The following MAST3 variants were observed in gnomAD, a reference collection of about 807,000 sequenced individuals.
The protein encoded by MAST3 is microtubule-associated serine/threonine-protein kinase 3.
A neutral mutation model predicts 127.0 loss-of-function variants in MAST3; 43 were observed. The ratio of observed to expected loss-of-function variants is 0.34; its 90% CI spans 0.27 to 0.44. MAST3 has a LOEUF of 0.44. MAST3 is among the 20% of genes least tolerant of loss of function. MAST3 has a pLI of 1.00. For missense variants in MAST3, 1,390 were observed against 1,919.1 expected (o/e 0.72, Z 5.15); for synonymous variants, 785 against 809.2 (o/e 0.97, Z 0.51).
At chr19:18,118,103 ATCC>A in intron 3 of MAST3, 1 of 985,084 alleles carries the variant, frequency 1.0e-6, no homozygotes, top group Non-Finnish European at 1.2e-6. Flanking sequence ...CCTGGGGCCG[ATCC>A]CACCGCCGAG....
rs572475592 is a variant in MAST3 at position 18,141,841 on chromosome 19, C to T, written c.2206-41C>T. On this transcript the variant is annotated intron_variant, in intron 20 of 27. Transcript: ENST00000687212. ...AAAGTGCTGGGATTACAGGCATGAGCCACCGCACCCGGCTTACCATTCTTT... is the reference window on the plus strand; with the variant it reads ...AAAGTGCTGGGATTACAGGCATGAGTCACCGCACCCGGCTTACCATTCTTT... The T allele has an allele frequency of 9.7e-6, 13 of 1,342,902 alleles. No individual in the cohort carries two copies. The African/African-American group carries it at 1.9e-4, about 20-fold the overall frequency. 83.2% of individuals were successfully genotyped at this position (1,342,902 alleles called of 1,614,324 possible).
chr19:18,129,694 G>A (rs2041044742), intron 13 of MAST3, among the ~76,000 whole-genome samples: 1 of 152,164 alleles, frequency 6.6e-6, no homozygotes, highest in Admixed American at 6.5e-5. Context: ...GGAGGCCAAG[G>A]TAGGAGGATC....
In MAST3 at chr19:18,144,607, C is replaced by T; in HGVS notation, c.2726C>T (p.Ser909Phe). The T allele has an allele frequency of 6.2e-7, 1 of 1,611,788 alleles. No homozygotes were observed. The highest frequency in any genetic ancestry group is 8.5e-7 in the Non-Finnish European group (1 of 1,179,732). Residue 909 changes from serine to phenylalanine, a missense_variant, in exon 23 of 28, where the codon TCC (serine) becomes TTC (phenylalanine). By Grantham distance (155) the Ser-to-Phe change is radical. Transcript: ENST00000687212. The surrounding 1 kb of genome is among the most constrained non-coding windows in gnomAD (Gnocchi z 4.0). ...RDPAPEKSRA[S>F]SSGGSGGGSG... ...CCAGCCCCTGAGAAGTCCAGAGCCT[C>T]CTCCAGCGGTGGCAGTGGTGGCGGC...
At position 18,145,845 on chromosome 19, in the gene MAST3, G is replaced by T; in HGVS notation, c.3142G>T (p.Val1048Phe). Residue 1048 changes from valine to phenylalanine, a missense_variant, in exon 25 of 28, where the codon GTC becomes TTC. Around this residue, in one of 5 missense-constraint regions of MAST3, gnomAD observed 816 missense variants for 934.1 expected, o/e 0.87. Transcript: ENST00000687212. This position sits in a 1 kb window ranked among gnomAD's most constrained non-coding sequence, Gnocchi z 5.9. The stretch of plus-strand genomic sequence containing the variant: ...AGTGCTGGGGCTGGTGCACATGGAC[G>T]TCGTGGAGCTGCTGCTGAAGGTGCG... ...ESVLGLVHMD[V>F]VELLLKSGNK... is the part of the protein sequence containing the mutation. 1 of 1,597,734 alleles carries T rather than the reference G, an allele frequency of 6.3e-7. No individual in the cohort carries two copies. The highest frequency in any genetic ancestry group is 8.5e-7 in the Non-Finnish European group (1 of 1,173,484).
intron 3 of MAST3, among the ~76,000 whole-genome samples, chr19:18,116,818 C>T (rs1274597846): frequency 6.9e-6 from 1 of 145,830 alleles, no homozygotes; most frequent in African/African-American, 2.5e-5. Flanking sequence ...GAGGCTGAGA[C>T]AGGAGAATCG....
In MAST3 at chr19:18,144,516, G is replaced by T. The variant is rs753024370; in HGVS notation, c.2635G>T (p.Ala879Ser). Residue 879 changes from alanine to serine, a missense_variant, in exon 23 of 28, where the codon GCC becomes TCC. By Grantham distance (99) the Ala-to-Ser change is moderately conservative. This residue lies in a region of MAST3 where 816 missense variants were observed against 934.1 expected (regional missense o/e 0.87). Coordinates refer to ENST00000687212, the MANE Select transcript of MAST3 (RefSeq NM_001393504.1). The surrounding 1 kb of genome is among the most constrained non-coding windows in gnomAD (Gnocchi z 4.0). The part of the protein sequence containing the change: ...HARLRSNSIG[A>S]RHSTPRPLDA... ...CCGCCTACGGAGCAATAGCATCGGC[G>T]CCCGACACTCCACACCAAGGCCTCT... 2 of 1,607,210 alleles carry T rather than the reference G, an allele frequency of 1.2e-6. No homozygotes were observed. Among genetic ancestry groups the T allele is most frequent in the Non-Finnish European group, 1.7e-6 (2 of 1,178,438 alleles).
At chr19:18,116,440 G>A (rs1325938792) in intron 3 of MAST3, among the ~76,000 whole-genome samples, 2 of 150,936 alleles carry the variant, frequency 1.3e-5, no homozygotes, top group African/African-American at 2.4e-5. Context: ...TTATAGGGAC[G>A]TGCCACCACG....
At position 18,145,884 on chromosome 19, in the gene MAST3, C is replaced by T. The variant is rs1195082221; in HGVS notation, c.3162+19C>T. On this transcript the variant is annotated intron_variant, in intron 25 of 27. Coordinates refer to ENST00000687212, the MANE Select transcript of MAST3 (RefSeq NM_001393504.1). The surrounding 1 kb of genome is among the most constrained non-coding windows in gnomAD (Gnocchi z 5.9). ...GCTGAAGGTGCGGCACCCCCACTGC[C>T]CACCCTCAGGGCTCCCCAGCACCCC... 2 of 1,576,244 alleles carry T rather than the reference C, an allele frequency of 1.3e-6. No individual in the cohort carries two copies. The highest frequency in any genetic ancestry group is 1.7e-6 in the Non-Finnish European group (2 of 1,164,330).
rs1568598472 is a variant in MAST3, at chr19:18,139,049, G to C, written c.2130G>C (p.Glu710Asp). ...AACGTTACCGCCATCTGGGCTCCGA[G>C]GACGACGAGACCAATGATGAAGAAT... ...RSERYRHLGS[E>D]DDETNDEESS... The change falls in exon 20 of 28, where the codon GAG (glutamate) becomes GAC (aspartate). Residue 710 changes from glutamate (E) to aspartate (D), a missense_variant. This residue lies in a region of MAST3 where 816 missense variants were observed against 934.1 expected (regional missense o/e 0.87). Coordinates refer to ENST00000687212, the MANE Select transcript of MAST3 (RefSeq NM_001393504.1). 1 of 1,600,772 alleles carries C rather than the reference G, an allele frequency of 6.2e-7. No individual in the cohort carries two copies. Among genetic ancestry groups the C allele is most frequent in the South Asian group, 1.1e-5 (1 of 88,406 alleles).
At chr19:18,107,461 T>C in intron 1 of MAST3, 126 bp from the exon 2 acceptor site, 2 of 964,922 alleles carry the variant, frequency 2.1e-6, no homozygotes, top group Non-Finnish European at 3.4e-6. Flanking sequence ...TGAGCCAGTG[T>C]GTAGAGTGAG....
At chr19:18,099,554 A>G (rs2037376501) in intron 1 of MAST3, among the ~76,000 whole-genome samples, 1 of 152,136 alleles carries the variant, frequency 6.6e-6, no homozygotes, top group Non-Finnish European at 1.5e-5. Context: ...AAAAGGGGAA[A>G]CTGAGGTTCA....
At chr19:18,130,344 A>T in intron 13 of MAST3, 150 bp from the exon 14 acceptor site, 1 of 676,866 alleles carries the variant, frequency 1.5e-6, no homozygotes, top group Non-Finnish European at 2.5e-6. Flanking sequence ...CTGCTCTGGG[A>T]GGGGGAACAG....
rs201731467 is a variant in MAST3, at chr19:18,147,654, G to A, written c.3508+30G>A. The A allele has an allele frequency of 2.7e-4, 395 of 1,455,308 alleles. 1 individual carries two copies. The highest frequency in any genetic ancestry group is 6.0e-4 in the Admixed American group (26 of 43,382). 90.1% of individuals were successfully genotyped at this position (1,455,308 alleles called of 1,614,324 possible). On this transcript the variant is annotated intron_variant, in intron 27 of 27. Coordinates refer to ENST00000687212, the MANE Select transcript of MAST3 (RefSeq NM_001393504.1). ...GTGCACCCCGACCCCCCACCACCCC[G>A]GCTACCCTGGGAGCAAGGGCTGGTG... is the stretch of plus-strand genomic sequence containing the variant.
intron 14 of MAST3, 125 bp from the exon 15 acceptor site, chr19:18,131,784 A>G: frequency 9.4e-7 from 1 of 1,066,748 alleles, no homozygotes. Context: ...GCTGAGATAG[A>G]ACAAACTGGG....
intron 2 of MAST3, among the ~76,000 whole-genome samples, chr19:18,108,351 GTTT>G (rs35579185): frequency 2.7e-5 from 4 of 145,942 alleles, no homozygotes; most frequent in Admixed American, 6.8e-5. Flanking sequence ...TGTAGGTTGG[GTTT>G]TTTTTTTTTT....
Position 18,110,762 on chromosome 19 carries a change from G to A in MAST3, c.161+21G>A, listed in dbSNP as rs1423370975. The stretch of plus-strand genomic sequence containing the variant: ...TGGAGGTAAGTGACAGCGCGTGTGG[G>A]CGGGGCGCAGACATCGCCCTGGCAC... On this transcript the variant is annotated intron_variant, in intron 3 of 27. Coordinates refer to ENST00000687212, the MANE Select transcript of MAST3 (RefSeq NM_001393504.1). The surrounding 1 kb of genome is among the most constrained non-coding windows in gnomAD (Gnocchi z 4.3). 1 of 977,456 alleles carries A rather than the reference G, an allele frequency of 1.0e-6. No homozygotes were observed. Among genetic ancestry groups the A allele is most frequent in the Non-Finnish European group, 1.2e-6 (1 of 822,288 alleles). 60.5% of individuals were successfully genotyped at this position (977,456 alleles called of 1,614,324 possible). A position where few individuals can be genotyped will look rare whatever the true frequency, so the allele number is the denominator to read the frequency against.
Position 18,149,852 on chromosome 19 carries a change from CG to C in MAST3, c.*128del. 7.2e-7 allele frequency: 1 copy of C among 1,380,982 alleles called. No individual in the cohort carries two copies. Among genetic ancestry groups the C allele is most frequent in the Non-Finnish European group, 9.7e-7 (1 of 1,027,862 alleles). 85.5% of individuals were successfully genotyped at this position (1,380,982 alleles called of 1,614,324 possible). ...ACACCCAGAAGGCGAGAAGCCATCT[CG>C]GTCCTTGCTGGAAGGTGGAGACATC... On this transcript the variant is annotated 3_prime_UTR_variant, in exon 28 of 28. Transcript: ENST00000687212. The surrounding 1 kb of genome is among the most constrained non-coding windows in gnomAD (Gnocchi z 5.9).
chr19:18,146,259 C>T (rs1405897489), intron 25 of MAST3, among the ~76,000 whole-genome samples: 2 of 152,110 alleles, frequency 1.3e-5, no homozygotes, highest in East Asian at 1.9e-4. Flanking sequence ...GGCAACAGAG[C>T]GAGACCCCCA....
In MAST3 at chr19:18,144,157, A is replaced by G; in HGVS notation, c.2584+150A>G. 5 of 1,172,386 alleles carry G rather than the reference A, an allele frequency of 4.3e-6. No homozygotes were observed. In the South Asian group the frequency reaches 6.5e-5, roughly 15 times the overall value. 72.6% of individuals were successfully genotyped at this position (1,172,386 alleles called of 1,614,324 possible). A position where few individuals can be genotyped will look rare whatever the true frequency, so the allele number is the denominator to read the frequency against. On this transcript the variant is annotated intron_variant, in intron 22 of 27. Coordinates refer to ENST00000687212, the MANE Select transcript of MAST3 (RefSeq NM_001393504.1). The surrounding 1 kb of genome is among the most constrained non-coding windows in gnomAD (Gnocchi z 4.0). The stretch of plus-strand genomic sequence containing the variant: ...AAGCCAGGGTCCCAGAGAGACCCCC[A>G]GCCCCCAAGGAACCCCAGTCTAGGG...
Sources: gnomAD v4.1 joint callset for allele counts (sites outside exome capture counted in the v4.1 genomes callset) on GRCh38, gnomAD v4.1.1 for gene constraint, gnomAD v4.1.1 regional missense constraint, Gnocchi (gnomAD v3.1) non-coding constraint, MANE v1.5 for transcripts, NCBI Gene and HGNC (gene_info 2026-07-23, HGNC 2026-07-21) for gene names.